Variants in GRM7 observed in about 807,000 individuals in gnomAD.
GRM7 encodes metabotropic glutamate receptor 7.
In GRM7, 35 loss-of-function variants were observed where a neutral mutation model predicts 84.5. The observed-to-expected ratio is 0.41, with a 90% CI of 0.32 to 0.55. The LOEUF (loss-of-function observed/expected upper bound fraction) is 0.55, where lower values mean the gene tolerates loss of function less well. Ranked by LOEUF, GRM7 falls within the 20% of genes least tolerant of loss-of-function variation. GRM7 has a pLI of 0.19. For missense variants in GRM7, 1,003 were observed against 1,194.6 expected, an observed-to-expected ratio of 0.84 and a Z score of 2.36; for synonymous variants, 487 against 455.1, an observed-to-expected ratio of 1.07 and a Z score of -0.89.
chr3:7,563,390 A>G (rs1162169193), intron 7 of GRM7, among the ~76,000 whole-genome samples: 1 of 152,176 alleles, frequency 6.6e-6, no homozygotes, highest in Non-Finnish European at 1.5e-5. Flanking sequence ...CCCAGGTTCC[A>G]TATTACTTTT....
In GRM7 at chr3:7,252,684, T is replaced by TTCTTTTCTTTTTTTC. The variant is rs6147696; in HGVS notation, c.737-45999_737-45998insCTTTTCTTTTTTTCT. On this transcript the variant is annotated intron_variant, in intron 2 of 9. Coordinates refer to ENST00000357716, the MANE Select transcript of GRM7 (RefSeq NM_000844.4). ...TTCTATTTTTTTCTTTTCTTTTCTTTTTTTCTTTTCTTTTCTTTACTGTGA... is the reference window on the plus strand; with the variant it reads ...TTCTATTTTTTTCTTTTCTTTTCTTTTCTTTTCTTTTTTTCTTTTCTTTTCTTTTCTTTACTGTGA... Among the ~76,000 whole-genome samples, 218 of 118,258 alleles carry TTCTTTTCTTTTTTTC rather than the reference T, an allele frequency of 1.8e-3. 1 individual carries two copies. Among genetic ancestry groups the TTCTTTTCTTTTTTTC allele is most frequent in the East Asian group, 5.7e-3 (22 of 3,874 alleles). The allele number at this position is 118,258 out of a possible 152,430, so 77.6% of individuals were successfully genotyped here. A position where few individuals can be genotyped will look rare whatever the true frequency, so the allele number is the denominator to read the frequency against.
intron 6 of GRM7, 70 bp from the exon 7 acceptor site, chr3:7,461,513 A>G: frequency 7.8e-7 from 1 of 1,278,916 alleles, no homozygotes; most frequent in Middle Eastern, 2.1e-4. Context: ...CTAGCCTGTC[A>G]CCCATAGTAC....
intron 4 of GRM7, among the ~76,000 whole-genome samples, chr3:7,326,929 A>G (rs1183764039): frequency 6.6e-6 from 1 of 152,040 alleles, no homozygotes; most frequent in Non-Finnish European, 1.5e-5. Flanking sequence ...TCCTCACTAC[A>G]CTTATCAAAA....
At chr3:7,411,594 A>C (rs1695939037) in intron 4 of GRM7, among the ~76,000 whole-genome samples, 1 of 152,214 alleles carries the variant, frequency 6.6e-6, no homozygotes, top group South Asian at 2.1e-4. Context: ...CCCAATTTTG[A>C]ACTTTATGTG....
intron 1 of GRM7, among the ~76,000 whole-genome samples, chr3:7,043,082 G>A (rs1401261815): frequency 6.6e-6 from 1 of 152,118 alleles, no homozygotes; most frequent in East Asian, 1.9e-4. Flanking sequence ...TACATTATGA[G>A]GTTTTCCACT....
At chr3:6,927,067 CAT>C (rs1245288916) in intron 1 of GRM7, among the ~76,000 whole-genome samples, 2 of 152,094 alleles carry the variant, frequency 1.3e-5, no homozygotes, top group Non-Finnish European at 2.9e-5. Context: ...ATAGGTAAAA[CAT>C]AGAATTGTTC....
chr3:7,484,061 T>C (rs1449200116), intron 7 of GRM7, among the ~76,000 whole-genome samples: 5 of 152,238 alleles, frequency 3.3e-5, no homozygotes, highest in African/African-American at 9.6e-5. Flanking sequence ...GATCTGATTC[T>C]ATAATTAGTT....
chr3:7,556,397 A>C (rs983694429), intron 7 of GRM7, among the ~76,000 whole-genome samples: 1 of 152,106 alleles, frequency 6.6e-6, no homozygotes, highest in Admixed American at 6.6e-5. Flanking sequence ...GGCTTAAGAG[A>C]TATTATTACA....
rs1007057363 is a variant in GRM7, at chr3:7,038,524, G to A, written c.520-107928G>A. The stretch of plus-strand genomic sequence containing the variant: ...CTCAGCTTTAAGTGTCAGAGCTCAC[G>A]GATAAGGAAGAAAGAGCTAGGAAAA... On this transcript the variant is annotated intron_variant, in intron 1 of 9. Transcript: ENST00000357716. Among the ~76,000 whole-genome samples the A allele has an allele frequency of 2.0e-5, 3 of 152,140 alleles. No individual in the cohort carries two copies. In the South Asian group the frequency reaches 6.2e-4, roughly 32 times the overall value.
Position 7,381,411 on chromosome 3 carries a change from G to T in GRM7, c.1034-33612G>T, listed in dbSNP as rs889809796. 9.9e-5 allele frequency among the ~76,000 whole-genome samples: 15 copies of T among 152,174 alleles called. No homozygotes were observed. The East Asian group carries it at 2.9e-3, about 29-fold the overall frequency. On this transcript the variant is annotated intron_variant, in intron 4 of 9. Coordinates refer to ENST00000357716, the MANE Select transcript of GRM7 (RefSeq NM_000844.4). ...AAGTCCTATATCATGTGCAGGTAAT[G>T]GGGGTTACATTGGTGAATGAAACTC...
chr3:7,296,342 A>G (rs536488551), intron 2 of GRM7, among the ~76,000 whole-genome samples: 30 of 152,206 alleles, frequency 2.0e-4, no homozygotes, highest in Admixed American at 4.6e-4. Context: ...AATATTGTCT[A>G]TATTTTATTT....
intron 2 of GRM7, among the ~76,000 whole-genome samples, chr3:7,244,181 A>G (rs947455769): frequency 1.3e-5 from 2 of 152,068 alleles, no homozygotes; most frequent in African/African-American, 4.8e-5. Flanking sequence ...TAACTTTTTT[A>G]TTTTATAAAC....
intron 8 of GRM7, among the ~76,000 whole-genome samples, chr3:7,679,406 C>T (rs1014964956): frequency 4.6e-5 from 7 of 150,812 alleles, no homozygotes; most frequent in East Asian, 2.3e-4. Flanking sequence ...CAGAATAAGG[C>T]GTTGCATCTC....
intron 4 of GRM7, among the ~76,000 whole-genome samples, chr3:7,391,301 A>G (rs1392526741): frequency 2.6e-5 from 4 of 152,206 alleles, no homozygotes; most frequent in African/African-American, 9.6e-5. Context: ...AAAGACTTGG[A>G]ACCAACCCAA....
chr3:7,724,980 T>A (rs1311990418), intron 9 of GRM7, among the ~76,000 whole-genome samples: 1 of 152,114 alleles, frequency 6.6e-6, no homozygotes, highest in Non-Finnish European at 1.5e-5. Context: ...GGGTCTTACT[T>A]TAGTGCCCAT....
chr3:7,400,540 A>G (rs1369304647), intron 4 of GRM7, among the ~76,000 whole-genome samples: 1 of 152,144 alleles, frequency 6.6e-6, no homozygotes, highest in Non-Finnish European at 1.5e-5. Flanking sequence ...CTGGAAACAC[A>G]AGTGATACAA....
intron 4 of GRM7, among the ~76,000 whole-genome samples, chr3:7,325,085 C>T (rs554722367): frequency 1.4e-3 from 207 of 152,234 alleles, no homozygotes; most frequent in African/African-American, 4.7e-3. Context: ...CCTTGCAGAC[C>T]ACCTGCTTCC....
intron 8 of GRM7, among the ~76,000 whole-genome samples, chr3:7,589,966 A>G (rs1195151437): frequency 6.6e-6 from 1 of 152,220 alleles, no homozygotes; most frequent in Non-Finnish European, 1.5e-5. Flanking sequence ...GGTCTAAAAA[A>G]AACCTGACTA....
intron 1 of GRM7, among the ~76,000 whole-genome samples, chr3:6,890,933 A>G (rs1695913071): frequency 6.6e-6 from 1 of 152,060 alleles, no homozygotes; most frequent in South Asian, 2.1e-4. Flanking sequence ...GGGTGTATAT[A>G]TATTTAGGAT....
Sources: gnomAD v4.1 joint callset for allele counts (sites outside exome capture counted in the v4.1 genomes callset) on GRCh38, gnomAD v4.1.1 for gene constraint, MANE v1.5 for transcripts, NCBI Gene and HGNC (gene_info 2026-07-23, HGNC 2026-07-21) for gene names.